Variants in RNF169 observed in about 807,000 individuals in gnomAD.
The protein encoded by RNF169 is ring finger protein 169.
A neutral mutation model predicts 53.9 loss-of-function variants in RNF169; 24 were observed. That is an observed-to-expected ratio of 0.45 (90% CI 0.32 to 0.63). The LOEUF is 0.63. RNF169 is among the 20% of genes least tolerant of loss of function. The pLI is 0.04. For synonymous variants in RNF169, 396 were observed against 363.5 expected, an observed-to-expected ratio of 1.09 and a Z score of -1.02; for missense variants, 883 against 906.2, an observed-to-expected ratio of 0.97 and a Z score of 0.33.
rs770085337 is a variant in RNF169, at chr11:74,836,064, G to T, written c.1461G>T (p.Gly487=). 1 of 1,614,158 alleles carries T rather than the reference G, an allele frequency of 6.2e-7. No individual in the cohort carries two copies. The highest frequency in any genetic ancestry group is 8.5e-7 in the Non-Finnish European group (1 of 1,180,030). The change falls in exon 6 of 6, where the codon GGG becomes GGT. Residue 487 remains glycine (G), a synonymous_variant. Transcript: ENST00000299563. ...LVAVNTRLSG[G]QVLSEYTGPT... The stretch of plus-strand genomic sequence containing the variant: ...CTGTAAATACAAGATTATCTGGTGG[G>T]CAGGTCCTCTCTGAGTATACTGGAC...
chr11:74,832,143 C>T (rs2036188592), intron 4 of RNF169: 1 of 152,228 alleles, frequency 6.6e-6, no homozygotes, highest in African/African-American at 2.4e-5. Flanking sequence ...ACGCTCCTTT[C>T]AGTGAAGGTT....
intron 2 of RNF169, among the ~76,000 whole-genome samples, chr11:74,803,028 C>T (rs2035755426): frequency 6.6e-6 from 1 of 151,654 alleles, no homozygotes; most frequent in South Asian, 2.1e-4. Flanking sequence ...TCACACCATT[C>T]TCCTGCCTCA....
chr11:74,799,802 C>T (rs1209729998), intron 2 of RNF169, among the ~76,000 whole-genome samples: 1 of 151,620 alleles, frequency 6.6e-6, no homozygotes, highest in Non-Finnish European at 1.5e-5. Context: ...TGGGAAAAAA[C>T]CTTCAGGTTA....
chr11:74,768,521 C>T (rs749761227), intron 1 of RNF169, among the ~76,000 whole-genome samples: 64 of 151,596 alleles, frequency 4.2e-4, no homozygotes, highest in African/African-American at 1.5e-3. Flanking sequence ...ACAGGAGATT[C>T]GCTTTAACCT....
At chr11:74,831,859 A>G (rs1019994451) in intron 4 of RNF169, 3 of 152,174 alleles carry the variant, frequency 2.0e-5, no homozygotes, top group Admixed American at 1.3e-4. Context: ...TCCATGGTCA[A>G]CTGATTTCCA....
chr11:74,829,083 G>A (rs1341931356), intron 4 of RNF169, among the ~76,000 whole-genome samples: 1 of 152,136 alleles, frequency 6.6e-6, no homozygotes, highest in Non-Finnish European at 1.5e-5. Context: ...AAAAATTTTT[G>A]CAATCTATCC....
At chr11:74,756,350 A>G (rs2034982651) in intron 1 of RNF169, among the ~76,000 whole-genome samples, 1 of 152,248 alleles carries the variant, frequency 6.6e-6, no homozygotes, top group East Asian at 1.9e-4. Context: ...ACCTGGAGAC[A>G]GACTACCTGG....
Position 74,749,016 on chromosome 11 carries a change from T to G in RNF169, c.136T>G (p.Ser46Ala). 1 of 1,496,106 alleles carries G rather than the reference T, an allele frequency of 6.7e-7. No individual in the cohort carries two copies. The allele number at this position is 1,496,106 out of a possible 1,614,324, so 92.7% of individuals were successfully genotyped here. ...TGAPGPASGP[S>A]LLVLSPPLLQ... ...GGCCCCAGGCCCGGCTTCTGGACCT[T>G]CGCTGTTGGTGTTGTCGCCGCCGTT... Residue 46 changes from serine (S) to alanine (A), a missense_variant, in exon 1 of 6, where the codon TCG (serine) becomes GCG (alanine). By Grantham distance (99) the Ser-to-Ala change is moderately conservative (BLOSUM62 1). Transcript: ENST00000299563.
At chr11:74,788,918 T>C (rs568422380) in intron 1 of RNF169, among the ~76,000 whole-genome samples, 1 of 152,322 alleles carries the variant, frequency 6.6e-6, no homozygotes, top group African/African-American at 2.4e-5. Context: ...GGCTCAACTC[T>C]AGATGGGTTG....
chr11:74,782,338 G>A lies in RNF169; in HGVS notation c.503-7288G>A, dbSNP rs145196749. Among the ~76,000 whole-genome samples the A allele has an allele frequency of 2.8e-4, 42 of 152,234 alleles. No homozygotes were observed. The East Asian group carries it at 6.6e-3, about 24-fold the overall frequency. ...TCGGGGTCCCCAACCCCTGGGCTGC[G>A]GACTGGTACCAGTCCATGGCCTATT... On this transcript the variant is annotated intron_variant, in intron 1 of 5. Coordinates refer to ENST00000299563, the MANE Select transcript of RNF169 (RefSeq NM_001098638.2).
At chr11:74,778,234 T>A (rs952597790) in intron 1 of RNF169, among the ~76,000 whole-genome samples, 2 of 152,198 alleles carry the variant, frequency 1.3e-5, no homozygotes, top group African/African-American at 4.8e-5. Context: ...GTGCCTTTCT[T>A]TTTATATTTT....
intron 1 of RNF169, among the ~76,000 whole-genome samples, chr11:74,762,741 A>G (rs981375816): frequency 2.0e-5 from 3 of 152,378 alleles, no homozygotes; most frequent in African/African-American, 7.2e-5. Context: ...AAGCTGCATA[A>G]TAAAGAATGA....
At chr11:74,833,383 TTC>T (rs965951691) in intron 4 of RNF169, among the ~76,000 whole-genome samples, 17 of 152,216 alleles carry the variant, frequency 1.1e-4, no homozygotes, top group African/African-American at 3.4e-4. Flanking sequence ...AAGAAATAAT[TTC>T]TGTTTGAGAT....
At chr11:74,760,199 CT>C (rs899451730) in intron 1 of RNF169, among the ~76,000 whole-genome samples, 7 of 151,296 alleles carry the variant, frequency 4.6e-5, no homozygotes, top group African/African-American at 1.7e-4. Flanking sequence ...ATTCTTCTCT[CT>C]TTTTTTCTTT....
intron 1 of RNF169, among the ~76,000 whole-genome samples, chr11:74,778,501 C>T (rs576661): frequency 0.34 from 52,378 of 151,942 alleles, 11,071 homozygotes; most frequent in African/African-American, 0.6. Flanking sequence ...TGTGCCAAAC[C>T]CCATCAGCTC....
At chr11:74,826,074 C>T (rs1480208789) in intron 4 of RNF169, among the ~76,000 whole-genome samples, 1 of 152,092 alleles carries the variant, frequency 6.6e-6, no homozygotes, top group Non-Finnish European at 1.5e-5. Flanking sequence ...ATCTGTAATC[C>T]CAGCACATTG....
At chr11:74,823,738 G>GAAAAAAAAAAAAA (rs35164191) in intron 4 of RNF169, among the ~76,000 whole-genome samples, 1 of 105,774 alleles carries the variant, frequency 9.5e-6, no homozygotes, top group African/African-American at 3.5e-5. Flanking sequence ...CCCTGTCTCA[G>GAAAAAAAAAAAAA]AAAAAAAAAA....
At chr11:74,805,328 T>TA (rs2035788299) in intron 2 of RNF169, among the ~76,000 whole-genome samples, 1 of 152,188 alleles carries the variant, frequency 6.6e-6, no homozygotes, top group South Asian at 2.1e-4. Context: ...AAAACTAATA[T>TA]AGTAATCAGA....
At chr11:74,811,514 C>T (rs562877423) in intron 3 of RNF169, among the ~76,000 whole-genome samples, 9 of 152,246 alleles carry the variant, frequency 5.9e-5, no homozygotes, top group African/African-American at 1.9e-4. Context: ...GGATTACAGG[C>T]GTGAGCCCCT....
Sources: allele counts gnomAD v4.1 joint callset (sites outside exome capture counted in the v4.1 genomes callset), GRCh38; gene constraint gnomAD v4.1.1; transcripts MANE v1.5; gene names NCBI Gene and HGNC (gene_info 2026-07-23, HGNC 2026-07-21).